Variants in DEPDC5 observed in about 807,000 individuals in gnomAD.
The protein encoded by DEPDC5 is GATOR1 complex protein DEPDC5.
In DEPDC5, 73 loss-of-function variants were observed where a neutral mutation model predicts 217.3. That is an observed-to-expected ratio of 0.34 (90% confidence interval 0.28 to 0.41). The LOEUF (loss-of-function observed/expected upper bound fraction) is 0.41. DEPDC5 is among the 10% of genes least tolerant of loss of function. The pLI is 1.00. For missense variants in DEPDC5, 1,675 were observed against 2,070.1 expected (o/e 0.81, Z 3.70); for synonymous variants, 733 against 756.7 (o/e 0.97, Z 0.51).
intron 34 of DEPDC5, among the ~76,000 whole-genome samples, chr22:31,871,206 G>A (rs1401228144): frequency 6.6e-6 from 1 of 152,234 alleles, no homozygotes; most frequent in East Asian, 1.9e-4. Flanking sequence ...TCGAGCAAGT[G>A]CACCAGCTTT....
chr22:31,867,815 T>C (rs1189534710), intron 33 of DEPDC5, among the ~76,000 whole-genome samples: 1 of 152,074 alleles, frequency 6.6e-6, no homozygotes, highest in Non-Finnish European at 1.5e-5. Context: ...AAAATAGGAC[T>C]GCAGGACTAA....
intron 37 of DEPDC5, among the ~76,000 whole-genome samples, chr22:31,878,722 A>G (rs2093075077): frequency 6.6e-6 from 1 of 152,004 alleles, no homozygotes; most frequent in Non-Finnish European, 1.5e-5. Context: ...TCTAAGAGAA[A>G]AAAAGAAATA....
intron 8 of DEPDC5, among the ~76,000 whole-genome samples, chr22:31,779,063 C>T (rs1235833179): frequency 2.0e-5 from 3 of 152,162 alleles, no homozygotes; most frequent in Admixed American, 6.6e-5. Context: ...AGCAGCATCC[C>T]TGGCCTCTAC....
chr22:31,855,008 A>G (rs954367081), intron 31 of DEPDC5, among the ~76,000 whole-genome samples: 2 of 144,842 alleles, frequency 1.4e-5, no homozygotes, highest in African/African-American at 5.2e-5. Context: ...TGTGTCGCCC[A>G]GGCTGCAGTG....
Position 31,875,949 on chromosome 22 carries a change from G to T in DEPDC5, c.3697-208G>T, listed in dbSNP as rs1221560641. The T allele has an allele frequency of 2.2e-5, 11 of 491,144 alleles. No individual in the cohort carries two copies. In the Admixed American group the frequency reaches 3.7e-4, roughly 16 times the overall value. The allele number at this position is 491,144 out of a possible 1,614,324, so 30.4% of individuals were successfully genotyped here. A position where few individuals can be genotyped will look rare whatever the true frequency, so the allele number is the denominator to read the frequency against. ...CTCCCGGCCATCTGAATTTCTTCAT[G>T]CCCTTCTGCATGTTTGAAATATTTG... On this transcript the variant is annotated intron_variant, in intron 36 of 42. Transcript: ENST00000651528.
intron 7 of DEPDC5, among the ~76,000 whole-genome samples, chr22:31,773,755 C>T (rs1470017713): frequency 6.6e-6 from 1 of 152,148 alleles, no homozygotes; most frequent in East Asian, 1.9e-4. Context: ...ATTTAACTTT[C>T]AATCTGGTAA....
intron 38 of DEPDC5, among the ~76,000 whole-genome samples, chr22:31,888,433 A>AT (rs2093366446): frequency 6.7e-6 from 1 of 150,190 alleles, no homozygotes; most frequent in South Asian, 2.1e-4. Flanking sequence ...TCTATTTTTA[A>AT]TAGAGATGTG....
At chr22:31,822,545 T>C (rs989785822) in intron 23 of DEPDC5, 148 bp from the exon 24 acceptor site, 6 of 693,632 alleles carry the variant, frequency 8.7e-6, no homozygotes, top group Non-Finnish European at 1.5e-5. Flanking sequence ...TGGCTTAAGA[T>C]AAGGATTCCA....
intron 20 of DEPDC5, among the ~76,000 whole-genome samples, chr22:31,813,700 T>C (rs910911469): frequency 2.0e-5 from 3 of 149,556 alleles, no homozygotes; most frequent in African/African-American, 7.4e-5. Context: ...TATATATATA[T>C]GCATATATAA....
At chr22:31,862,503 T>G (rs947118638) in intron 33 of DEPDC5, among the ~76,000 whole-genome samples, 3 of 152,130 alleles carry the variant, frequency 2.0e-5, no homozygotes, top group Admixed American at 6.5e-5. Context: ...AGGCAGAGGT[T>G]GCAGTGAGCC....
chr22:31,758,981 C>T (rs1204700920), intron 3 of DEPDC5, among the ~76,000 whole-genome samples: 2 of 151,908 alleles, frequency 1.3e-5, no homozygotes, highest in Non-Finnish European at 2.9e-5. Flanking sequence ...CAGCTCACTG[C>T]AACCTCTGCC....
intron 38 of DEPDC5, among the ~76,000 whole-genome samples, chr22:31,886,055 G>T (rs1430850381): frequency 5.9e-5 from 9 of 151,690 alleles, no homozygotes; most frequent in Non-Finnish European, 1.0e-4. Flanking sequence ...AAAAGACAAG[G>T]TCTTACTCTG....
At position 31,906,806 on chromosome 22, in the gene DEPDC5, C is replaced by T. The variant is rs910885581; in HGVS notation, c.*309C>T. On this transcript the variant is annotated 3_prime_UTR_variant, in exon 43 of 43. Transcript: ENST00000651528. The surrounding 1 kb of genome is among the most constrained non-coding windows in gnomAD (Gnocchi z 5.1). Reference sequence around the variant, plus strand: ...CTCCAGTGTCTGGGAAGAGGGCAGGCGGCCCCCATGAATGTCCTCGGAAGG... The same window carrying T: ...CTCCAGTGTCTGGGAAGAGGGCAGGTGGCCCCCATGAATGTCCTCGGAAGG... 5 of 466,392 alleles carry T rather than the reference C, an allele frequency of 1.1e-5. No individual in the cohort carries two copies. The highest frequency in any genetic ancestry group is 3.0e-5 in the South Asian group (1 of 33,358). 28.9% of individuals were successfully genotyped at this position (466,392 alleles called of 1,614,324 possible).
chr22:31,864,743 C>A (rs2149185306), intron 33 of DEPDC5, among the ~76,000 whole-genome samples: 1 of 151,850 alleles, frequency 6.6e-6, no homozygotes, highest in African/African-American at 2.4e-5. Flanking sequence ...GGCTCAAATG[C>A]AGTGGTGCGA....
At chr22:31,843,244 A>G in intron 28 of DEPDC5, 32 bp downstream of exon 28, 1 of 1,590,978 alleles carries the variant, frequency 6.3e-7, no homozygotes. Flanking sequence ...GTCTTCAGTT[A>G]TTGTCCTGAA....
At chr22:31,789,276 A>G (rs80242958) in intron 10 of DEPDC5, among the ~76,000 whole-genome samples, 3,818 of 152,368 alleles carry the variant, frequency 0.025, 60 homozygotes, top group African/African-American at 0.041. Flanking sequence ...TAAAATGTAT[A>G]TCCATACAAT....
In DEPDC5 at chr22:31,906,186, C is replaced by G. The variant is rs374627897; in HGVS notation, c.4520-19C>G. On this transcript the variant is annotated intron_variant, in intron 42 of 42. Coordinates refer to ENST00000651528, the MANE Select transcript of DEPDC5 (RefSeq NM_001242896.3). This position sits in a 1 kb window ranked among gnomAD's most constrained non-coding sequence, Gnocchi z 5.1. Reference sequence around the variant, plus strand: ...GCCCTCCTGGTGGCTGCCACACAGGCGCTCCCCTTTCTCTTCAGGAACAGT... The same window carrying G: ...GCCCTCCTGGTGGCTGCCACACAGGGGCTCCCCTTTCTCTTCAGGAACAGT... 3 of 1,612,950 alleles carry G rather than the reference C, an allele frequency of 1.9e-6. No individual in the cohort carries two copies. The highest frequency in any genetic ancestry group is 2.5e-6 in the Non-Finnish European group (3 of 1,179,214).
Position 31,765,060 on chromosome 22 carries a change from G to A in DEPDC5, c.279G>A (p.Lys93=). Reference sequence around the variant, plus strand: ...TCTATGTTAATGTCGTAGACCCTAAGGTATGTCTTTGTTTTGTACTTGAAT... The same window carrying A: ...TCTATGTTAATGTCGTAGACCCTAAAGTATGTCTTTGTTTTGTACTTGAAT... The part of the protein sequence containing the change: ...QDVYVNVVDP[K]DVTLDLVELT... The change falls in exon 5 of 43, where the codon AAG becomes AAA. Residue 93 remains lysine (K), a splice_region_variant and synonymous_variant. Coordinates refer to ENST00000651528, the MANE Select transcript of DEPDC5 (RefSeq NM_001242896.3). 1 of 1,612,442 alleles carries A rather than the reference G, an allele frequency of 6.2e-7. No individual in the cohort carries two copies. Among genetic ancestry groups the A allele is most frequent in the South Asian group, 1.1e-5 (1 of 90,986 alleles).
chr22:31,842,695 G>A (rs1209993183), intron 27 of DEPDC5, among the ~76,000 whole-genome samples: 2 of 152,154 alleles, frequency 1.3e-5, no homozygotes, highest in Non-Finnish European at 2.9e-5. Flanking sequence ...GGACCAGAAA[G>A]CTAGGTTGGC....
Sources: allele counts gnomAD v4.1 joint callset (sites outside exome capture counted in the v4.1 genomes callset), GRCh38; gene constraint gnomAD v4.1.1; non-coding constraint Gnocchi (gnomAD v3.1); transcripts MANE v1.5; gene names NCBI Gene and HGNC (gene_info 2026-07-23, HGNC 2026-07-21).